HTR2A: variants seen among roughly 807,000 people sequenced by gnomAD.
HTR2A encodes the protein 5-HT2 receptor.
Under a neutral mutation model 31.0 loss-of-function variants are expected in HTR2A, and 14 were observed. That is an observed-to-expected ratio of 0.45 (90% CI 0.30 to 0.71). HTR2A has a LOEUF of 0.71. HTR2A is among the 30% of genes least tolerant of loss of function. The pLI, the probability that HTR2A is intolerant of heterozygous loss-of-function variation, is 0.09. For missense variants in HTR2A, 442 were observed against 573.3 expected (o/e 0.77, Z 2.34); for synonymous variants, 209 against 225.2 (o/e 0.93, Z 0.64).
chr13:46,831,962 A>C lies in HTR2A; in HGVS notation c.*2875T>G, dbSNP rs751250647. 3 of 152,230 alleles carry C rather than the reference A, an allele frequency of 2.0e-5. No homozygotes were observed. Among genetic ancestry groups the C allele is most frequent in the Non-Finnish European group, 2.9e-5 (2 of 68,030 alleles). The allele number at this position is 152,230 out of a possible 1,614,324, so 9.4% of individuals were successfully genotyped here. ...AAGTGAATCCTTTAATCACAGATCC[A>C]TAAATCATTTGACAACTGTGTTTCA... On this transcript the variant is annotated 3_prime_UTR_variant, in exon 4 of 4. Transcript: ENST00000542664.
chr13:46,857,701 G>A (rs1950748478), intron 3 of HTR2A, among the ~76,000 whole-genome samples: 1 of 152,170 alleles, frequency 6.6e-6, no homozygotes, highest in African/African-American at 2.4e-5. Flanking sequence ...AACAAGAAGG[G>A]CTTATTCAGA....
intron 3 of HTR2A, among the ~76,000 whole-genome samples, chr13:46,857,157 G>A (rs961322742): frequency 9.2e-5 from 14 of 151,946 alleles, no homozygotes; most frequent in African/African-American, 3.4e-4. Context: ...AAAATTAGCT[G>A]GGGGTGATTG....
intron 3 of HTR2A, among the ~76,000 whole-genome samples, chr13:46,865,595 G>T (rs58918321): frequency 0.065 from 9,948 of 152,244 alleles, 384 homozygotes; most frequent in African/African-American, 0.11. Context: ...GTGACGGAAG[G>T]GTTCCATATC....
intron 3 of HTR2A, among the ~76,000 whole-genome samples, chr13:46,889,604 G>T (rs1951034766): frequency 6.6e-6 from 1 of 152,146 alleles, no homozygotes; most frequent in African/African-American, 2.4e-5. Context: ...AATTTACCAA[G>T]AGAGTGAACA....
At chr13:46,880,002 A>G (rs1180082313) in intron 3 of HTR2A, among the ~76,000 whole-genome samples, 1 of 66,814 alleles carries the variant, frequency 1.5e-5, no homozygotes, top group Non-Finnish European at 3.0e-5. Flanking sequence ...GAGACCCTGT[A>G]TCAAAAACAA....
chr13:46,835,174 G>A lies in HTR2A; in HGVS notation c.1079C>T (p.Ala360Val). 6.2e-7 allele frequency: 1 copy of A among 1,614,114 alleles called. No individual in the cohort carries two copies. The highest frequency in any genetic ancestry group is 8.5e-7 in the Non-Finnish European group (1 of 1,179,978). The change falls in exon 4 of 4, where the codon GCC becomes GTC. Residue 360 changes from alanine to valine, a missense_variant. Transcript: ENST00000542664. ...GATCCAAACAAACACATTGAGCAGG[G>A]CCCCAATGACATCCTCATTGCAGGA... ...KESCNEDVIGALLNVFVWIGY... is the reference protein window; with the variant it reads ...KESCNEDVIGVLLNVFVWIGY...
In HTR2A at chr13:46,832,512, G is replaced by A. The variant is rs957139677; in HGVS notation, c.*2325C>T. On this transcript the variant is annotated 3_prime_UTR_variant, in exon 4 of 4. Transcript: ENST00000542664. ...TAATGTACATTCTGATCAAGATTGA[G>A]TATATGGGGGTAGAATCTGTAATCT... is the stretch of plus-strand genomic sequence containing the variant. 1 of 152,186 alleles carries A rather than the reference G, an allele frequency of 6.6e-6. No homozygotes were observed. Among genetic ancestry groups the A allele is most frequent in the South Asian group, 2.1e-4 (1 of 4,834 alleles). 9.4% of individuals were successfully genotyped at this position (152,186 alleles called of 1,614,324 possible).
At position 46,831,889 on chromosome 13, in the gene HTR2A, C is replaced by T. The variant is rs1876259308; in HGVS notation, c.*2948G>A. 1 of 152,192 alleles carries T rather than the reference C, an allele frequency of 6.6e-6. No individual in the cohort carries two copies. Among genetic ancestry groups the T allele is most frequent in the Non-Finnish European group, 1.5e-5 (1 of 68,032 alleles). 9.4% of individuals were successfully genotyped at this position (152,192 alleles called of 1,614,324 possible). On this transcript the variant is annotated 3_prime_UTR_variant, in exon 4 of 4. Coordinates refer to ENST00000542664, the MANE Select transcript of HTR2A (RefSeq NM_000621.5). The stretch of plus-strand genomic sequence containing the variant: ...GAATATAGAGGAATCTATCATTCAA[C>T]TTAAAGTAGAGCAAGGTTTGTTACT...
intron 3 of HTR2A, among the ~76,000 whole-genome samples, chr13:46,891,155 T>G (rs952352406): frequency 1.3e-5 from 2 of 152,196 alleles, no homozygotes; most frequent in African/African-American, 4.8e-5. Flanking sequence ...GGTTTCCTCA[T>G]TTATCAAATA....
At chr13:46,855,724 C>G (rs1950730905) in intron 3 of HTR2A, among the ~76,000 whole-genome samples, 1 of 151,946 alleles carries the variant, frequency 6.6e-6, no homozygotes, top group South Asian at 2.1e-4. Context: ...ACTGCTCCCC[C>G]AAAAATTCAA....
chr13:46,847,186 A>G (rs1663336337), intron 3 of HTR2A, among the ~76,000 whole-genome samples: 1 of 152,200 alleles, frequency 6.6e-6, no homozygotes, highest in East Asian at 1.9e-4. Context: ...GACCTACGGC[A>G]TGATTTGTAG....
intron 3 of HTR2A, among the ~76,000 whole-genome samples, chr13:46,889,227 C>T (rs1249513110): frequency 6.6e-6 from 1 of 151,738 alleles, no homozygotes; most frequent in Non-Finnish European, 1.5e-5. Context: ...GATTTTAAAT[C>T]AAGAAGCATC....
intron 3 of HTR2A, among the ~76,000 whole-genome samples, chr13:46,861,469 G>A (rs141316471): frequency 3.5e-3 from 537 of 152,310 alleles, no homozygotes; most frequent in African/African-American, 0.012. Flanking sequence ...TGTGGGCAAA[G>A]GAGTAAAGTT....
chr13:46,882,222 G>C (rs1350087432), intron 3 of HTR2A, among the ~76,000 whole-genome samples: 3 of 67,012 alleles, frequency 4.5e-5, no homozygotes, highest in African/African-American at 1.8e-4. Flanking sequence ...AAAATGGTCA[G>C]GGAAGTTAAA....
intron 3 of HTR2A, among the ~76,000 whole-genome samples, chr13:46,890,096 C>G (rs1412655195): frequency 6.6e-6 from 1 of 152,226 alleles, no homozygotes; most frequent in Non-Finnish European, 1.5e-5. Context: ...GTAATCCCAG[C>G]ACTTTGGGAG....
At chr13:46,851,365 T>C (rs1368072790) in intron 3 of HTR2A, among the ~76,000 whole-genome samples, 1 of 152,222 alleles carries the variant, frequency 6.6e-6, no homozygotes, top group Non-Finnish European at 1.5e-5. Context: ...AGCTCCTTGA[T>C]ACATTGTATA....
rs557006813 is a variant in HTR2A, at chr13:46,835,735, A to C, written c.614-96T>G. 74 of 887,862 alleles carry C rather than the reference A, an allele frequency of 8.3e-5. No individual in the cohort carries two copies. In the African/African-American group the frequency reaches 9.7e-4, roughly 12 times the overall value. 55.0% of individuals were successfully genotyped at this position (887,862 alleles called of 1,614,324 possible). ...TAATATTGGCTATTGAAAAGATTTT[A>C]TATCATCGTTTAAAAGCTTAACATA... On this transcript the variant is annotated intron_variant, in intron 3 of 3. Coordinates refer to ENST00000542664, the MANE Select transcript of HTR2A (RefSeq NM_000621.5).
intron 3 of HTR2A, among the ~76,000 whole-genome samples, chr13:46,868,586 A>G (rs962892092): frequency 6.6e-6 from 1 of 152,186 alleles, no homozygotes; most frequent in African/African-American, 2.4e-5. Context: ...TATTAAATAT[A>G]GTTCTTTGAA....
chr13:46,877,407 C>G (rs1950924046), intron 3 of HTR2A, among the ~76,000 whole-genome samples: 1 of 152,090 alleles, frequency 6.6e-6, no homozygotes, highest in South Asian at 2.1e-4. Flanking sequence ...AATTACAACA[C>G]AGTGATATTA....
Sources: gnomAD v4.1 joint callset for allele counts (sites outside exome capture counted in the v4.1 genomes callset) on GRCh38, gnomAD v4.1.1 for gene constraint, MANE v1.5 for transcripts, NCBI Gene and HGNC (gene_info 2026-07-23, HGNC 2026-07-21) for gene names.